FUT8: variants seen among roughly 807,000 people sequenced by gnomAD.
The protein encoded by FUT8 is alpha-(1,6)-fucosyltransferase.
A neutral mutation model predicts 71.3 loss-of-function variants in FUT8; 29 were observed. The ratio of observed to expected loss-of-function variants is 0.41; its 90% CI spans 0.30 to 0.55. The LOEUF is 0.55. FUT8 is among the 20% of genes least tolerant of loss of function. FUT8 has a pLI of 0.34. For synonymous variants in FUT8, 254 were observed against 239.3 expected (o/e 1.06, Z -0.57); for missense variants, 544 against 702.1 (o/e 0.77, Z 2.55).
At chr14:65,572,673 A>G (rs1306475387) in intron 3 of FUT8, among the ~76,000 whole-genome samples, 1 of 152,144 alleles carries the variant, frequency 6.6e-6, no homozygotes, top group Non-Finnish European at 1.5e-5. Flanking sequence ...CCCATTTATC[A>G]TTAAGCAGAC....
At chr14:65,670,584 CA>C in intron 7 of FUT8, among the ~76,000 whole-genome samples, 1 of 152,114 alleles carries the variant, frequency 6.6e-6, no homozygotes, top group Non-Finnish European at 1.5e-5. Flanking sequence ...CAACATTTTT[CA>C]AAAAACTGAG....
At chr14:65,525,575 G>T (rs1430374496) in intron 2 of FUT8, among the ~76,000 whole-genome samples, 1 of 152,132 alleles carries the variant, frequency 6.6e-6, no homozygotes, top group Admixed American at 6.5e-5. Flanking sequence ...GTTCTGCTCT[G>T]ATCTTAGTTA....
At chr14:65,711,164 T>C (rs1322652318) in intron 7 of FUT8, among the ~76,000 whole-genome samples, 1 of 152,160 alleles carries the variant, frequency 6.6e-6, no homozygotes, top group Non-Finnish European at 1.5e-5. Context: ...GTAACAGTAA[T>C]GATCACTAAA....
intron 3 of FUT8, among the ~76,000 whole-genome samples, chr14:65,589,888 A>T (rs1887595173): frequency 6.6e-6 from 1 of 152,218 alleles, no homozygotes; most frequent in South Asian, 2.1e-4. Context: ...TTAAAAGATG[A>T]TGCATAGACA....
intron 2 of FUT8, among the ~76,000 whole-genome samples, chr14:65,481,241 A>C (rs960972356): frequency 2.0e-5 from 3 of 151,960 alleles, no homozygotes; most frequent in Admixed American, 1.3e-4. Context: ...CTTACTGTTC[A>C]TTTGCATATT....
At chr14:65,721,068 G>A (rs1895389989) in intron 7 of FUT8, among the ~76,000 whole-genome samples, 1 of 152,044 alleles carries the variant, frequency 6.6e-6, no homozygotes, top group Admixed American at 6.6e-5. Flanking sequence ...TCTCTTCAGT[G>A]TCTCTTTCAG....
chr14:65,467,665 A>G lies in FUT8; in HGVS notation c.-228+11947A>G, dbSNP rs2066065528. ...CTAATTTTTTGTATTTTTAGTAGAG[A>G]GGGTTTCACTATGTTGGCCAGGCTG... On this transcript the variant is annotated intron_variant, in intron 2 of 10. Transcript: ENST00000673929. This position sits in a 1 kb window ranked among gnomAD's most constrained non-coding sequence, Gnocchi z 4.1. The G allele has an allele frequency of 3.3e-6, 1 of 306,860 alleles. No homozygotes were observed. The highest frequency in any genetic ancestry group is 6.2e-6 in the Non-Finnish European group (1 of 160,660). 19.0% of individuals were successfully genotyped at this position (306,860 alleles called of 1,614,324 possible). A position where few individuals can be genotyped will look rare whatever the true frequency, so the allele number is the denominator to read the frequency against.
chr14:65,470,123 G>C (rs537928818), intron 2 of FUT8, among the ~76,000 whole-genome samples: 1 of 152,238 alleles, frequency 6.6e-6, no homozygotes, highest in African/African-American at 2.4e-5. Flanking sequence ...GGGCCTAGGC[G>C]GCAGGGCCTG....
chr14:65,441,261 AG>A (rs1488258389), intron 1 of FUT8, among the ~76,000 whole-genome samples: 1 of 152,212 alleles, frequency 6.6e-6, no homozygotes, highest in Non-Finnish European at 1.5e-5. Flanking sequence ...AGAAGAGATT[AG>A]GGTTGTTGAA....
At chr14:65,659,174 T>G (rs1891838321) in intron 6 of FUT8, among the ~76,000 whole-genome samples, 1 of 151,522 alleles carries the variant, frequency 6.6e-6, no homozygotes. Context: ...GATCTTGAGG[T>G]GTTTTTTGTT....
intron 2 of FUT8, among the ~76,000 whole-genome samples, chr14:65,511,232 A>G (rs1882319384): frequency 1.3e-5 from 2 of 151,862 alleles, no homozygotes; most frequent in Non-Finnish European, 2.9e-5. Context: ...TCCCCTTGCT[A>G]TTGATTTCTA....
In FUT8 at chr14:65,742,426, G is replaced by A. The variant is rs1896550474; in HGVS notation, c.*16G>A. The stretch of plus-strand genomic sequence containing the variant: ...TGAGAAATAAAGCTCAGATGGAAGA[G>A]ATAAACGACCAAACTCAGTTCGACC... On this transcript the variant is annotated 3_prime_UTR_variant, in exon 11 of 11. Coordinates refer to ENST00000673929, the MANE Select transcript of FUT8 (RefSeq NM_001371533.1). 5 of 1,602,336 alleles carry A rather than the reference G, an allele frequency of 3.1e-6. No homozygotes were observed. The East Asian group carries it at 9.0e-5, about 29-fold the overall frequency.
intron 3 of FUT8, among the ~76,000 whole-genome samples, chr14:65,579,027 C>G (rs1272016839): frequency 6.6e-6 from 1 of 151,974 alleles, no homozygotes; most frequent in Non-Finnish European, 1.5e-5. Context: ...GCTATATCTG[C>G]AAATAAAGAC....
At chr14:65,479,337 T>G (rs1220129109) in intron 2 of FUT8, among the ~76,000 whole-genome samples, 2 of 152,228 alleles carry the variant, frequency 1.3e-5, no homozygotes, top group Admixed American at 1.3e-4. Context: ...ATTTTTTAGG[T>G]TGTTGATTCA....
intron 8 of FUT8, 113 bp from the exon 9 acceptor site, chr14:65,724,033 AG>A: frequency 2.8e-6 from 2 of 705,438 alleles, no homozygotes; most frequent in Non-Finnish European, 4.3e-6. Context: ...TGAAAATGAA[AG>A]AAAAATCAGT....
At position 65,413,355 on chromosome 14, in the gene FUT8, GCT is replaced by G. The variant is rs1301094621; in HGVS notation, c.-326+145_-326+146del. On this transcript the variant is annotated intron_variant, in intron 1 of 10. Coordinates refer to ENST00000673929, the MANE Select transcript of FUT8 (RefSeq NM_001371533.1). This position sits in a 1 kb window ranked among gnomAD's most constrained non-coding sequence, Gnocchi z 4.1. ...TGCAACTGCTGCCGGTTAACCAGCGGCTCTCGGAAAAGTGGGGAGGGAGCCCC... is the reference window on the plus strand; with the variant it reads ...TGCAACTGCTGCCGGTTAACCAGCGGCTCGGAAAAGTGGGGAGGGAGCCCC... 1.3e-5 allele frequency: 2 copies of G among 152,462 alleles called. No homozygotes were observed. Among genetic ancestry groups the G allele is most frequent in the African/African-American group, 4.8e-5 (2 of 41,470 alleles). The allele number at this position is 152,462 out of a possible 1,614,324, so 9.4% of individuals were successfully genotyped here.
At chr14:65,444,329 A>G (rs2065705941) in intron 1 of FUT8, among the ~76,000 whole-genome samples, 1 of 152,248 alleles carries the variant, frequency 6.6e-6, no homozygotes, top group African/African-American at 2.4e-5. Context: ...ATACAGAGCA[A>G]CTAGAACTCT....
At chr14:65,569,996 T>C (rs939447181) in intron 3 of FUT8, among the ~76,000 whole-genome samples, 3 of 152,072 alleles carry the variant, frequency 2.0e-5, no homozygotes, top group Non-Finnish European at 4.4e-5. Flanking sequence ...GGACATTTCT[T>C]CTGCCCTTCA....
chr14:65,618,006 A>AATTC (rs1889373554), intron 5 of FUT8, among the ~76,000 whole-genome samples: 1 of 104,460 alleles, frequency 9.6e-6, no homozygotes, highest in Non-Finnish European at 2.0e-5. Flanking sequence ...TTTAAAAATT[A>AATTC]ATTCATATAT....
Sources: allele counts gnomAD v4.1 joint callset (sites outside exome capture counted in the v4.1 genomes callset), GRCh38; gene constraint gnomAD v4.1.1; non-coding constraint Gnocchi (gnomAD v3.1); transcripts MANE v1.5; gene names NCBI Gene and HGNC (gene_info 2026-07-23, HGNC 2026-07-21).